Variants in PRICKLE2 observed in about 807,000 individuals in gnomAD.
PRICKLE2 encodes prickle planar cell polarity protein 2, also known as prickle-like protein 2.
In PRICKLE2, 21 loss-of-function variants were observed where a neutral mutation model predicts 81.4. The ratio of observed to expected loss-of-function variants is 0.26; its 90% CI spans 0.18 to 0.37. The LOEUF (loss-of-function observed/expected upper bound fraction) is 0.37, where lower values mean the gene tolerates loss of function less well. Ranked by LOEUF, PRICKLE2 falls within the 10% of genes least tolerant of loss-of-function variation. The pLI is 1.00. For missense variants in PRICKLE2, 940 were observed against 1,109.0 expected, an observed-to-expected ratio of 0.85 and a Z score of 2.16; for synonymous variants, 456 against 421.5, an observed-to-expected ratio of 1.08 and a Z score of -1.00.
At chr3:64,221,936 C>G (rs1474904076) in intron 1 of PRICKLE2, among the ~76,000 whole-genome samples, 2 of 152,202 alleles carry the variant, frequency 1.3e-5, no homozygotes, top group Non-Finnish European at 2.9e-5. Flanking sequence ...GGTTTGTCAT[C>G]TGCTATGTCA....
In PRICKLE2 at chr3:64,147,892, T is replaced by C. The variant is rs977440318; in HGVS notation, c.788-190A>G. On this transcript the variant is annotated intron_variant, in intron 6 of 7. Transcript: ENST00000638394. This position sits in a 1 kb window ranked among gnomAD's most constrained non-coding sequence, Gnocchi z 5.0. ...TTACGAGAAGTCCTTGTTGTACCAG[T>C]ATGCGCCTTAACTCATTTGCTCCAA... 6.6e-6 allele frequency among the ~76,000 whole-genome samples: 1 copy of C among 152,182 alleles called. No homozygotes were observed. Among genetic ancestry groups the C allele is most frequent in the Admixed American group, 6.5e-5 (1 of 15,280 alleles).
chr3:64,220,420 G>A (rs1400755154), intron 1 of PRICKLE2, among the ~76,000 whole-genome samples: 2 of 152,202 alleles, frequency 1.3e-5, no homozygotes, highest in African/African-American at 2.4e-5. Flanking sequence ...CCTATCACTC[G>A]AGGCAGGCTG....
Position 64,163,019 on chromosome 3 carries a change from A to G in PRICKLE2, c.255T>C (p.Asn85=), listed in dbSNP as rs137899052. The change falls in exon 3 of 8, where the codon AAT becomes AAC. Residue 85 remains asparagine, a synonymous_variant. Coordinates refer to ENST00000638394, the MANE Select transcript of PRICKLE2 (RefSeq NM_198859.4). ...TAAGCCCCCTCTAGCCCCTTACCTC[A>G]TTGTCATGTGGCGGCAGCTGGTGTA... is the stretch of plus-strand genomic sequence containing the variant. ...QLLHQLPPHD[N]EVRYCNSLDE... The G allele has an allele frequency of 1.2e-6, 2 of 1,608,040 alleles. No individual in the cohort carries two copies. Among genetic ancestry groups the G allele is most frequent in the African/African-American group, 1.3e-5 (1 of 74,868 alleles).
At chr3:64,211,743 A>C (rs779108227) in intron 1 of PRICKLE2, among the ~76,000 whole-genome samples, 9 of 152,226 alleles carry the variant, frequency 5.9e-5, no homozygotes, top group Admixed American at 6.5e-5. Flanking sequence ...TTGTTAGGCC[A>C]TCATTAATGT....
At chr3:64,239,242 G>C (rs559601627) in intron 2 of PRICKLE2, among the ~76,000 whole-genome samples, 17 of 152,290 alleles carry the variant, frequency 1.1e-4, no homozygotes, top group East Asian at 9.7e-4. Context: ...AGCCCTGCTG[G>C]GGGGCGGGGG....
intron 4 of PRICKLE2, 37 bp from the exon 5 acceptor site, chr3:64,157,402 C>T (rs1241433198): frequency 1.3e-6 from 2 of 1,586,328 alleles, no homozygotes; most frequent in Non-Finnish European, 1.7e-6. Context: ...GTCACACTAG[C>T]CCCCATCTCC....
rs896277382 is a variant in PRICKLE2, at chr3:64,257,757, C to T, written c.129-58790G>A. ...GATGAGAATCATCCCTACTAATCAG[C>T]TATTATCCTTTGCCATGGTTTGAAT... On this transcript the variant is annotated intron_variant, in intron 2 of 8. Coordinates refer to the PRICKLE2 transcript ENST00000295902. Among the ~76,000 whole-genome samples the T allele has an allele frequency of 2.0e-5, 3 of 152,166 alleles. No individual in the cohort carries two copies. The East Asian group carries it at 5.8e-4, about 29-fold the overall frequency.
chr3:64,255,623 C>G (rs953517439), intron 2 of PRICKLE2, among the ~76,000 whole-genome samples: 2 of 152,206 alleles, frequency 1.3e-5, no homozygotes, highest in African/African-American at 2.4e-5. Flanking sequence ...ATGGAAATCT[C>G]TCTAGCGCTC....
At chr3:64,250,768 G>T (rs762486156) in intron 2 of PRICKLE2, among the ~76,000 whole-genome samples, 1 of 152,156 alleles carries the variant, frequency 6.6e-6, no homozygotes, top group Non-Finnish European at 1.5e-5. Flanking sequence ...TCCTAGCACA[G>T]AGTGAAACCC....
intron 1 of PRICKLE2, among the ~76,000 whole-genome samples, chr3:64,215,496 C>A (rs1024795892): frequency 2.0e-5 from 3 of 152,190 alleles, no homozygotes; most frequent in African/African-American, 7.2e-5. Flanking sequence ...AATAAGCATT[C>A]AATAAGTAGC....
chr3:64,183,263 G>C (rs911800871), intron 2 of PRICKLE2, among the ~76,000 whole-genome samples: 5 of 152,114 alleles, frequency 3.3e-5, no homozygotes, highest in Non-Finnish European at 7.4e-5. Context: ...AAAATTATTA[G>C]TGATACAATT....
chr3:64,232,066 T>C (rs1321055385), intron 2 of PRICKLE2, among the ~76,000 whole-genome samples: 2 of 152,216 alleles, frequency 1.3e-5, no homozygotes, highest in African/African-American at 2.4e-5. Flanking sequence ...TTAGATCAAT[T>C]CCTTTGTACA....
intron 7 of PRICKLE2, among the ~76,000 whole-genome samples, chr3:64,109,450 CA>C (rs986110970): frequency 1.3e-5 from 2 of 152,174 alleles, no homozygotes; most frequent in Non-Finnish European, 2.9e-5. Context: ...CAGCAGATCA[CA>C]AGTTGGCTTG....
At chr3:64,164,055 G>T (rs1352547462) in intron 2 of PRICKLE2, 2 of 152,080 alleles carry the variant, frequency 1.3e-5, no homozygotes, top group Non-Finnish European at 2.9e-5. Flanking sequence ...AAATGGAGAA[G>T]ATGGAAGACT....
intron 7 of PRICKLE2, among the ~76,000 whole-genome samples, chr3:64,130,834 G>T (rs1209929429): frequency 6.6e-6 from 1 of 152,154 alleles, no homozygotes; most frequent in South Asian, 2.1e-4. Flanking sequence ...TTTCTTTAAA[G>T]CTCCCCAGAT....
At position 64,225,343 on chromosome 3, in the gene PRICKLE2, G is replaced by A. The variant is rs1452321064; in HGVS notation, c.-474C>T. 8.1e-6 allele frequency: 8 copies of A among 985,196 alleles called. No homozygotes were observed. The highest frequency in any genetic ancestry group is 5.2e-4 in the Middle Eastern group (1 of 1,936). The allele number at this position is 985,196 out of a possible 1,614,324, so 61.0% of individuals were successfully genotyped here. On this transcript the variant is annotated 5_prime_UTR_variant, in exon 1 of 8. Coordinates refer to ENST00000638394, the MANE Select transcript of PRICKLE2 (RefSeq NM_198859.4). ...CACCAGCTGATCCTGAGCCAGACCC[G>A]GGGTGACTAGTCAGCTGCTCACAGA... is the stretch of plus-strand genomic sequence containing the variant.
In PRICKLE2 at chr3:64,264,893, T is replaced by A. The variant is rs1030374270; in HGVS notation, c.129-65926A>T. ...GAGACCCTAGTGATAGGTACAAGGA[T>A]TTCTCTACACAGGCTGGCTGTTAAA... On this transcript the variant is annotated intron_variant, in intron 2 of 8. Transcript: ENST00000295902. Among the ~76,000 whole-genome samples, 3 of 152,254 alleles carry A rather than the reference T, an allele frequency of 2.0e-5. 1 individual carries two copies. In the South Asian group the frequency reaches 6.2e-4, roughly 32 times the overall value.
At position 64,147,688 on chromosome 3, in the gene PRICKLE2, G is replaced by T; in HGVS notation, c.802C>A (p.Gln268Lys). ...CAQHIGIDQG[Q>K]MTYDGQHWHA... Reference sequence around the variant, plus strand: ...CAGTGTTGGCCATCATAGGTCATTTGACCTTGGTCGATACCTAAAAAAATG... The same window carrying T: ...CAGTGTTGGCCATCATAGGTCATTTTACCTTGGTCGATACCTAAAAAAATG... The change falls in exon 7 of 8, where the codon CAA becomes AAA. Residue 268 changes from glutamine (Q) to lysine (K), a missense_variant. Around this residue, in one of 2 missense-constraint regions of PRICKLE2, gnomAD observed 270 missense variants for 391.8 expected, o/e 0.69. Coordinates refer to ENST00000638394, the MANE Select transcript of PRICKLE2 (RefSeq NM_198859.4). The surrounding 1 kb of genome is among the most constrained non-coding windows in gnomAD (Gnocchi z 5.0). 6.2e-7 allele frequency: 1 copy of T among 1,613,740 alleles called. No individual in the cohort carries two copies. Among genetic ancestry groups the T allele is most frequent in the Non-Finnish European group, 8.5e-7 (1 of 1,180,048 alleles).
intron 1 of PRICKLE2, among the ~76,000 whole-genome samples, chr3:64,201,221 G>A (rs987342022): frequency 6.6e-6 from 1 of 152,078 alleles, no homozygotes; most frequent in Admixed American, 6.5e-5. Flanking sequence ...GAGCCACCAC[G>A]CCTGGCCAAA....
Sources: gnomAD v4.1 joint callset for allele counts (sites outside exome capture counted in the v4.1 genomes callset) on GRCh38, gnomAD v4.1.1 for gene constraint, gnomAD v4.1.1 regional missense constraint, Gnocchi (gnomAD v3.1) non-coding constraint, MANE v1.5 for transcripts, NCBI Gene and HGNC (gene_info 2026-07-23, HGNC 2026-07-21) for gene names.